Variants in ARHGAP10 observed in about 807,000 individuals in gnomAD.
ARHGAP10 encodes the protein Rho GTPase activating protein 10, also known as rho GTPase-activating protein 10.
In ARHGAP10, 87 loss-of-function variants were observed where a neutral mutation model predicts 108.6. The observed-to-expected ratio is 0.80, with a 90% CI of 0.67 to 0.96. The LOEUF is 0.96. ARHGAP10 is among the 40% of genes least tolerant of loss of function. The pLI, the probability that ARHGAP10 is intolerant of heterozygous loss-of-function variation, is 0.00. For missense variants in ARHGAP10, 939 were observed against 954.5 expected (o/e 0.98, Z 0.21); for synonymous variants, 347 against 341.1 (o/e 1.02, Z -0.19).
chr4:148,035,567 G>A (rs557299041), intron 19 of ARHGAP10, among the ~76,000 whole-genome samples: 1 of 152,244 alleles, frequency 6.6e-6, no homozygotes, highest in Admixed American at 6.5e-5. Context: ...TTCCCATTTT[G>A]TCTTGCCATG....
At chr4:147,762,636 T>C (rs560679136) in intron 1 of ARHGAP10, among the ~76,000 whole-genome samples, 42 of 151,940 alleles carry the variant, frequency 2.8e-4, no homozygotes, top group African/African-American at 9.9e-4. Context: ...TTCACGCCAT[T>C]CTCCTGCCTC....
chr4:147,786,768 T>A (rs1438298629), intron 1 of ARHGAP10, among the ~76,000 whole-genome samples: 1 of 152,162 alleles, frequency 6.6e-6, no homozygotes, highest in Non-Finnish European at 1.5e-5. Context: ...TTAAAGCTAT[T>A]TGAGGGTATG....
chr4:147,917,068 T>C (rs1416538060), intron 13 of ARHGAP10: 1 of 152,206 alleles, frequency 6.6e-6, no homozygotes, highest in East Asian at 1.9e-4. Flanking sequence ...AAATTAGAAA[T>C]TGATTGTTCC....
chr4:147,939,241 G>C (rs1382705091), intron 13 of ARHGAP10, among the ~76,000 whole-genome samples: 1 of 152,122 alleles, frequency 6.6e-6, no homozygotes, highest in Non-Finnish European at 1.5e-5. Flanking sequence ...TTTGTTTTCA[G>C]ATCTCTGTAG....
chr4:147,814,311 T>C (rs1732147411), intron 1 of ARHGAP10, among the ~76,000 whole-genome samples: 1 of 152,104 alleles, frequency 6.6e-6, no homozygotes. Flanking sequence ...TTTTCCAAGC[T>C]TTAAATTTAT....
Position 147,906,718 on chromosome 4 carries a change from C to G in ARHGAP10, c.1115C>G (p.Ala372Gly), listed in dbSNP as rs1365901310. 1 of 1,614,052 alleles carries G rather than the reference C, an allele frequency of 6.2e-7. No individual in the cohort carries two copies. Among genetic ancestry groups the G allele is most frequent in the Non-Finnish European group, 8.5e-7 (1 of 1,179,946 alleles). ...QWLEALGGKE[A>G]LSHSFNTAII... ...TTGGAAGCTCTGGGTGGAAAGGAAG[C>G]TGTAAGAATAATCAATGGTTGAGTT... The change falls in exon 11 of 23, where the codon GCT becomes GGT. Residue 372 changes from alanine (A) to glycine (G), a missense_variant and splice_region_variant. Coordinates refer to ENST00000336498, the MANE Select transcript of ARHGAP10 (RefSeq NM_024605.4).
At chr4:148,029,039 T>G (rs1157588368) in intron 19 of ARHGAP10, among the ~76,000 whole-genome samples, 1 of 152,220 alleles carries the variant, frequency 6.6e-6, no homozygotes, top group Non-Finnish European at 1.5e-5. Flanking sequence ...CGTATTCTTA[T>G]GCGTAACTGC....
intron 1 of ARHGAP10, among the ~76,000 whole-genome samples, chr4:147,792,057 G>A (rs1731146750): frequency 6.6e-6 from 1 of 152,196 alleles, no homozygotes; most frequent in South Asian, 2.1e-4. Context: ...ATTGCTGTGT[G>A]GTAGCACGTG....
At chr4:147,756,225 G>A (rs140267191) in intron 1 of ARHGAP10, among the ~76,000 whole-genome samples, 237 of 152,026 alleles carry the variant, frequency 1.6e-3, no homozygotes, top group African/African-American at 5.5e-3. Context: ...CTCATGGGCC[G>A]CAGTTCTTAA....
rs563158818 is a variant in ARHGAP10, at chr4:147,791,547, T to TGCGC, written c.155-31176_155-31173dup. ...GTGTGTGTGTGTGCGCGCGCGTGCG[T>TGCGC]GCGCGCGTGTATATATATATATTTT... On this transcript the variant is annotated intron_variant, in intron 1 of 22. Transcript: ENST00000336498. 2.6e-3 allele frequency among the ~76,000 whole-genome samples: 400 copies of TGCGC among 152,186 alleles called. 1 individual carries two copies. Among genetic ancestry groups the TGCGC allele is most frequent in the Admixed American group, 4.1e-3 (63 of 15,288 alleles).
intron 10 of ARHGAP10, among the ~76,000 whole-genome samples, chr4:147,888,783 A>C (rs1735675831): frequency 6.6e-6 from 1 of 152,190 alleles, no homozygotes; most frequent in Admixed American, 6.5e-5. Context: ...TGTGTCTTAC[A>C]GTTAGTCTCA....
Position 148,046,895 on chromosome 4 carries a change from A to T in ARHGAP10, c.1871A>T (p.Asp624Val). The T allele has an allele frequency of 6.2e-7, 1 of 1,611,282 alleles. No homozygotes were observed. Among genetic ancestry groups the T allele is most frequent in the Non-Finnish European group, 8.5e-7 (1 of 1,178,898 alleles). The change falls in exon 20 of 23, where the codon GAC becomes GTC. Residue 624 changes from aspartate (D) to valine (V), a missense_variant. By Grantham distance (152) the Asp-to-Val change is radical. Transcript: ENST00000336498. ...TCAATGCTTTTTTTCCTCCTAGGTG[A>T]CAATCCTTACCCTTCCAAGGAGGAC... ...YNLCLELEDGDNPYPSKEDTP... is the reference protein window; with the variant it reads ...YNLCLELEDGVNPYPSKEDTP...
intron 18 of ARHGAP10, among the ~76,000 whole-genome samples, chr4:147,985,478 A>G (rs566523186): frequency 2.0e-4 from 31 of 152,226 alleles, no homozygotes; most frequent in African/African-American, 6.3e-4. Context: ...GCCCAGATAA[A>G]CCATGGCTAC....
chr4:147,926,039 G>A (rs1272118834), intron 13 of ARHGAP10, among the ~76,000 whole-genome samples: 1 of 152,198 alleles, frequency 6.6e-6, no homozygotes, highest in Non-Finnish European at 1.5e-5. Context: ...TTGGAACAGA[G>A]GGTGCTTCCA....
At chr4:147,966,925 C>T in intron 18 of ARHGAP10, 86 bp downstream of exon 18, 1 of 1,206,678 alleles carries the variant, frequency 8.3e-7, no homozygotes. Flanking sequence ...TCCCTTTTCT[C>T]TCTCTCTGTT....
intron 4 of ARHGAP10, chr4:147,854,968 T>C (rs1166319092): frequency 2.8e-6 from 2 of 717,466 alleles, no homozygotes; most frequent in Non-Finnish European, 3.4e-6. Flanking sequence ...TATTGCTGAG[T>C]GTGCTGGGTG....
chr4:147,969,880 A>G (rs974747349), intron 18 of ARHGAP10, among the ~76,000 whole-genome samples: 1 of 152,170 alleles, frequency 6.6e-6, no homozygotes, highest in Non-Finnish European at 1.5e-5. Flanking sequence ...AACCAACGTT[A>G]ATTAAGTGCT....
At chr4:148,008,300 T>A (rs541256537) in intron 18 of ARHGAP10, among the ~76,000 whole-genome samples, 4 of 152,124 alleles carry the variant, frequency 2.6e-5, no homozygotes, top group African/African-American at 9.7e-5. Context: ...CCCAGTTTCA[T>A]GTCCTCTGCT....
At chr4:147,945,120 T>A (rs1738321357) in intron 14 of ARHGAP10, among the ~76,000 whole-genome samples, 2 of 152,148 alleles carry the variant, frequency 1.3e-5, no homozygotes, top group African/African-American at 4.8e-5. Context: ...GTGATACCCA[T>A]GCTGCATTCC....
Sources: allele counts gnomAD v4.1 joint callset (sites outside exome capture counted in the v4.1 genomes callset), GRCh38; gene constraint gnomAD v4.1.1; transcripts MANE v1.5; gene names NCBI Gene and HGNC (gene_info 2026-07-23, HGNC 2026-07-21).